Variants in KHDRBS2 observed in about 807,000 individuals in gnomAD.
KHDRBS2 encodes KH domain-containing, RNA-binding, signal transduction-associated protein 2.
In KHDRBS2, 26 loss-of-function variants were observed where a neutral mutation model predicts 44.3. The ratio of observed to expected loss-of-function variants is 0.59; its 90% CI spans 0.43 to 0.81. The LOEUF (loss-of-function observed/expected upper bound fraction) is 0.81. Among genes scored for constraint, KHDRBS2 ranks in the 40% least tolerant of loss-of-function variants. KHDRBS2 has a pLI of 0.00. For missense variants in KHDRBS2, 476 were observed against 433.1 expected (o/e 1.10, Z -0.88); for synonymous variants, 194 against 151.1 (o/e 1.28, Z -2.08).
intron 1 of KHDRBS2, among the ~76,000 whole-genome samples, chr6:62,242,741 A>G (rs536342518): frequency 6.6e-6 from 1 of 152,320 alleles, no homozygotes; most frequent in East Asian, 1.9e-4. Flanking sequence ...TAAAAATTAC[A>G]TCCTTACAAG....
intron 6 of KHDRBS2, among the ~76,000 whole-genome samples, chr6:61,891,650 C>A (rs1395617115): frequency 1.3e-5 from 2 of 152,048 alleles, no homozygotes; most frequent in African/African-American, 4.8e-5. Flanking sequence ...CGACAAAAAC[C>A]ACATGATTAT....
At chr6:61,933,099 G>A (rs2127368675) in intron 4 of KHDRBS2, among the ~76,000 whole-genome samples, 1 of 152,270 alleles carries the variant, frequency 6.6e-6, no homozygotes, top group East Asian at 1.9e-4. Context: ...GAAAGTATGG[G>A]TGGGGAGGCC....
intron 2 of KHDRBS2, among the ~76,000 whole-genome samples, chr6:62,115,619 A>G (rs1319734923): frequency 6.6e-6 from 1 of 152,188 alleles, no homozygotes; most frequent in African/African-American, 2.4e-5. Flanking sequence ...TGCTTTCCGC[A>G]AATGATTGCT....
At chr6:61,681,867 C>A (rs1203965067) in intron 8 of KHDRBS2, among the ~76,000 whole-genome samples, 11 of 151,770 alleles carry the variant, frequency 7.2e-5, no homozygotes, top group Non-Finnish European at 4.4e-5. Context: ...AAATGCAATT[C>A]TTCTTTAAAA....
At chr6:61,938,605 C>T (rs1583610018) in intron 4 of KHDRBS2, among the ~76,000 whole-genome samples, 1 of 152,196 alleles carries the variant, frequency 6.6e-6, no homozygotes, top group African/African-American at 2.4e-5. Flanking sequence ...CATGAGAGAA[C>T]TGTGAAAGGA....
At chr6:61,955,323 T>C (rs1460569218) in intron 4 of KHDRBS2, among the ~76,000 whole-genome samples, 3 of 147,094 alleles carry the variant, frequency 2.0e-5, no homozygotes, top group South Asian at 2.1e-4. Flanking sequence ...TACATATACG[T>C]GTATATATAC....
the KHDRBS2 span, among the ~76,000 whole-genome samples, chr6:61,544,530 C>G: frequency 5.3e-5 from 8 of 152,084 alleles, no homozygotes; most frequent in Admixed American, 5.2e-4. Flanking sequence ...AATGCTTATT[C>G]CTTTCCCAAC....
intron 2 of KHDRBS2, among the ~76,000 whole-genome samples, chr6:62,119,423 A>C (rs1357290178): frequency 1.3e-5 from 2 of 152,200 alleles, no homozygotes; most frequent in Non-Finnish European, 1.5e-5. Flanking sequence ...TAAGCCTCAC[A>C]TCTAACATTG....
intron 7 of KHDRBS2, among the ~76,000 whole-genome samples, chr6:61,704,807 A>G (rs1769237987): frequency 6.6e-6 from 1 of 151,976 alleles, no homozygotes; most frequent in African/African-American, 2.4e-5. Flanking sequence ...TAAGCAAATC[A>G]TTGTAGTATG....
rs533443800 is a variant in KHDRBS2 at position 62,259,555 on chromosome 6, T to A, written c.91+26303A>T. ...AAATAATAGTAGTTTCTCAATGTTT[T>A]ATTTTGTTAATATAGTCAGGAAAAT... On this transcript the variant is annotated intron_variant, in intron 1 of 8. Coordinates refer to ENST00000281156, the MANE Select transcript of KHDRBS2 (RefSeq NM_152688.4). Among the ~76,000 whole-genome samples, 54 of 152,150 alleles carry A rather than the reference T, an allele frequency of 3.5e-4. 1 individual carries two copies. The highest frequency in any genetic ancestry group is 1.2e-3 in the African/African-American group (51 of 41,554).
intron 6 of KHDRBS2, among the ~76,000 whole-genome samples, chr6:61,772,983 T>G (rs1380645075): frequency 1.3e-5 from 2 of 152,220 alleles, no homozygotes; most frequent in African/African-American, 4.8e-5. Flanking sequence ...TCATTTTTTA[T>G]GTCTGCATAG....
At chr6:61,902,260 T>A (rs1804194158) in intron 4 of KHDRBS2, among the ~76,000 whole-genome samples, 1 of 152,126 alleles carries the variant, frequency 6.6e-6, no homozygotes, top group Admixed American at 6.5e-5. Context: ...CAGTGTGAAA[T>A]ATTTAAACAC....
intron 6 of KHDRBS2, among the ~76,000 whole-genome samples, chr6:61,767,706 T>C (rs1417291752): frequency 2.6e-5 from 4 of 152,136 alleles, no homozygotes; most frequent in Non-Finnish European, 5.9e-5. Flanking sequence ...TATTTTAAAC[T>C]GATGACAACT....
chr6:61,825,347 T>G (rs1292491443), intron 6 of KHDRBS2, among the ~76,000 whole-genome samples: 1 of 152,172 alleles, frequency 6.6e-6, no homozygotes, highest in Non-Finnish European at 1.5e-5. Flanking sequence ...GGATTGATGG[T>G]GTAAATGCTG....
In KHDRBS2 at chr6:62,064,157, C is replaced by T. The variant is rs569212254; in HGVS notation, c.220-16163G>A. Among the ~76,000 whole-genome samples, 11 of 73,774 alleles carry T rather than the reference C, an allele frequency of 1.5e-4. 1 individual carries two copies. The South Asian group carries it at 4.6e-3, about 31-fold the overall frequency. The allele number at this position is 73,774 out of a possible 152,430, so 48.4% of individuals were successfully genotyped here. On this transcript the variant is annotated intron_variant, in intron 2 of 8. Transcript: ENST00000281156. ...TATACAAACAAATGGAAGAACATTC[C>T]ATGCTCATGGGTAGGAAGAATCAAT...
intron 6 of KHDRBS2, among the ~76,000 whole-genome samples, chr6:61,821,549 C>A (rs1215000559): frequency 6.6e-6 from 1 of 152,024 alleles, no homozygotes; most frequent in East Asian, 1.9e-4. Context: ...CTTCTAAGAT[C>A]AACTATCTGA....
At chr6:62,038,258 A>T (rs1408338530) in intron 3 of KHDRBS2, among the ~76,000 whole-genome samples, 1 of 151,700 alleles carries the variant, frequency 6.6e-6, no homozygotes, top group Admixed American at 6.6e-5. Flanking sequence ...GAACCCATAC[A>T]CCCAGAAAAC....
intron 3 of KHDRBS2, among the ~76,000 whole-genome samples, chr6:61,995,765 GA>G (rs71765103): frequency 0.021 from 3,197 of 150,690 alleles, 118 homozygotes; most frequent in African/African-American, 0.074. Flanking sequence ...ATGTTTCAGA[GA>G]AAAAAAAATC....
At chr6:62,146,570 C>T (rs1290697396) in intron 2 of KHDRBS2, among the ~76,000 whole-genome samples, 2 of 151,644 alleles carry the variant, frequency 1.3e-5, no homozygotes, top group African/African-American at 2.4e-5. Flanking sequence ...AAATATGTTC[C>T]TGTAAAATAT....
Sources: allele counts gnomAD v4.1 joint callset (sites outside exome capture counted in the v4.1 genomes callset), GRCh38; gene constraint gnomAD v4.1.1; transcripts MANE v1.5; gene names NCBI Gene and HGNC (gene_info 2026-07-23, HGNC 2026-07-21).